The following ROR1 variants were observed in gnomAD, a reference collection of about 807,000 sequenced individuals.
The protein encoded by ROR1 is inactive tyrosine-protein kinase transmembrane receptor ROR1.
A neutral mutation model predicts 78.8 loss-of-function variants in ROR1; 19 were observed. The ratio of observed to expected loss-of-function variants is 0.24; its 90% CI spans 0.17 to 0.35. The LOEUF (loss-of-function observed/expected upper bound fraction) is 0.35. Among genes scored for constraint, ROR1 ranks in the 10% least tolerant of loss-of-function variants. ROR1 has a pLI of 1.00. For synonymous variants in ROR1, 386 were observed against 433.6 expected (o/e 0.89, Z 1.36); for missense variants, 917 against 1,177.8 (o/e 0.78, Z 3.24).
chr1:63,925,476 G>C (rs1348267638), intron 1 of ROR1, among the ~76,000 whole-genome samples: 1 of 151,996 alleles, frequency 6.6e-6, no homozygotes, highest in Non-Finnish European at 1.5e-5. Context: ...ATAAACATAC[G>C]TGTGCATGTG....
At chr1:64,024,827 A>ATTGTTATTTAATCT (rs1553152301) in intron 2 of ROR1, among the ~76,000 whole-genome samples, 7 of 152,150 alleles carry the variant, frequency 4.6e-5, no homozygotes, top group Admixed American at 4.6e-4. Context: ...ATGGTATGTC[A>ATTGTTATTTAATCT]TTGTTATTTT....
chr1:64,012,744 G>A lies in ROR1; in HGVS notation c.163+3368G>A, dbSNP rs765503587. ...TGGACCAATTTGAGAGAGTATATAT[G>A]TTTAAAACGTTTCATGGTGAAAAAG... On this transcript the variant is annotated intron_variant, in intron 2 of 8. Coordinates refer to ENST00000371079, the MANE Select transcript of ROR1 (RefSeq NM_005012.4). 5.5e-4 allele frequency among the ~76,000 whole-genome samples: 83 copies of A among 152,082 alleles called. 6 individuals are homozygous for A. The highest frequency in any genetic ancestry group is 2.9e-5 in the Non-Finnish European group (2 of 68,022).
intron 1 of ROR1, among the ~76,000 whole-genome samples, chr1:63,866,121 G>GC (rs1035553540): frequency 3.3e-5 from 5 of 151,782 alleles, no homozygotes; most frequent in East Asian, 1.9e-4. Flanking sequence ...CACCAGTGGT[G>GC]CCCCCCCAGC....
chr1:64,028,008 T>G (rs1570081200), intron 2 of ROR1, among the ~76,000 whole-genome samples: 1 of 152,314 alleles, frequency 6.6e-6, no homozygotes, highest in East Asian at 1.9e-4. Flanking sequence ...CTATCTAAGA[T>G]GTTGATATGG....
At chr1:64,083,595 G>GA (rs1241939075) in intron 4 of ROR1, among the ~76,000 whole-genome samples, 3,634 of 118,868 alleles carry the variant, frequency 0.031, 172 homozygotes, top group African/African-American at 0.096. Context: ...GAGAGAGAGA[G>GA]AAAAAAAAAA....
chr1:63,902,334 TC>T (rs201424635), intron 1 of ROR1, among the ~76,000 whole-genome samples: 586 of 147,952 alleles, frequency 4.0e-3, no homozygotes, highest in Middle Eastern at 0.014. Context: ...CTTTTTTTTT[TC>T]TTTTAAGAGT....
intron 1 of ROR1, among the ~76,000 whole-genome samples, chr1:63,889,167 G>A (rs988199227): frequency 2.0e-5 from 3 of 152,100 alleles, no homozygotes; most frequent in Admixed American, 6.5e-5. Flanking sequence ...TGACAGAGGA[G>A]GAGAGAGAGA....
chr1:64,087,617 T>C (rs895732167), intron 4 of ROR1, among the ~76,000 whole-genome samples: 2 of 152,216 alleles, frequency 1.3e-5, no homozygotes, highest in African/African-American at 4.8e-5. Flanking sequence ...TATTATTGTC[T>C]TGTGATAAGC....
At chr1:63,847,821 C>T (rs1194860817) in intron 1 of ROR1, among the ~76,000 whole-genome samples, 1 of 152,134 alleles carries the variant, frequency 6.6e-6, no homozygotes, top group African/African-American at 2.4e-5. Flanking sequence ...CAGATATACT[C>T]CCTGCTGCTG....
rs72429774 is a variant in ROR1 at position 64,128,291 on chromosome 1, CAAAAAA to C, written c.483-9064_483-9059del. ...GCAACATAGCAAGACCCTGTCTCTA[CAAAAAA>C]AAAAAAAAAAAAAGTAAAAAAACTA... On this transcript the variant is annotated intron_variant, in intron 4 of 8. Transcript: ENST00000371079. 2.2e-3 allele frequency among the ~76,000 whole-genome samples: 219 copies of C among 101,256 alleles called. 5 individuals carry two copies. The highest frequency in any genetic ancestry group is 7.5e-4 in the South Asian group (2 of 2,672). 66.4% of individuals were successfully genotyped at this position (101,256 alleles called of 152,430 possible).
chr1:64,158,872 G>T, intron 7 of ROR1, 109 bp from the exon 8 acceptor site: 3 of 753,172 alleles, frequency 4.0e-6, no homozygotes, highest in South Asian at 1.8e-5. Flanking sequence ...CAGTGGATTT[G>T]TGTGTATAAA....
intron 4 of ROR1, chr1:64,106,813 A>G (rs1190565714): frequency 1.3e-5 from 2 of 152,146 alleles, no homozygotes; most frequent in Non-Finnish European, 2.9e-5. Flanking sequence ...AGCCAGCTTG[A>G]TCGTGATGGA....
intron 1 of ROR1, among the ~76,000 whole-genome samples, chr1:63,883,610 C>T (rs1403984653): frequency 2.6e-5 from 4 of 152,250 alleles, no homozygotes; most frequent in South Asian, 2.1e-4. Flanking sequence ...ATGAGCTGGC[C>T]TCAGAGAACA....
At chr1:63,906,858 AT>A (rs1000284982) in intron 1 of ROR1, among the ~76,000 whole-genome samples, 1 of 151,698 alleles carries the variant, frequency 6.6e-6, no homozygotes, top group African/African-American at 2.4e-5. Flanking sequence ...CTTTATTCTT[AT>A]TTTTTTGTCA....
At chr1:64,083,628 A>G (rs1263357030) in intron 4 of ROR1, among the ~76,000 whole-genome samples, 1 of 152,044 alleles carries the variant, frequency 6.6e-6, no homozygotes, top group Non-Finnish European at 1.5e-5. Context: ...TAGAATTAAA[A>G]TGCTGAAAGC....
chr1:64,025,520 G>A (rs834474), intron 2 of ROR1, among the ~76,000 whole-genome samples: 125,477 of 152,104 alleles, frequency 0.82, 52,664 homozygotes, highest in East Asian at 0.95. Flanking sequence ...ACAATTTGCT[G>A]TTGCAAAAAA....
At chr1:64,058,448 TATG>T (rs1646891473) in intron 4 of ROR1, among the ~76,000 whole-genome samples, 2 of 152,086 alleles carry the variant, frequency 1.3e-5, no homozygotes, top group African/African-American at 2.4e-5. Context: ...CACCATTGAA[TATG>T]ATGTTAGCTG....
intron 2 of ROR1, among the ~76,000 whole-genome samples, chr1:64,043,804 C>T (rs746419333): frequency 1.3e-5 from 2 of 152,182 alleles, no homozygotes; most frequent in Non-Finnish European, 2.9e-5. Context: ...AATTCCTTAA[C>T]TTCTCTGTGT....
intron 1 of ROR1, among the ~76,000 whole-genome samples, chr1:63,964,978 G>A (rs974201717): frequency 4.6e-5 from 7 of 152,202 alleles, no homozygotes; most frequent in African/African-American, 1.4e-4. Context: ...TGTGAAGTCT[G>A]TGTTCAACTT....
Sources: gnomAD v4.1 joint callset for allele counts (sites outside exome capture counted in the v4.1 genomes callset) on GRCh38, gnomAD v4.1.1 for gene constraint, MANE v1.5 for transcripts, NCBI Gene and HGNC (gene_info 2026-07-23, HGNC 2026-07-21) for gene names.